Variants in PBX1 observed in about 807,000 individuals in gnomAD.
The protein encoded by PBX1 is pre-B-cell leukemia transcription factor 1.
PBX1 carries 6 observed loss-of-function variants against 53.4 expected under a neutral mutation model. That is an observed-to-expected ratio of 0.11 (90% CI 0.06 to 0.22). PBX1 has a LOEUF of 0.22. Ranked by LOEUF, PBX1 falls within the 10% of genes least tolerant of loss-of-function variation. The probability of loss-of-function intolerance (pLI) is 1.00; values close to 1 mark genes in which losing one functional copy is unlikely to be tolerated. For missense variants in PBX1, 251 were observed against 551.4 expected (o/e 0.46, Z 5.46); for synonymous variants, 204 against 212.3 (o/e 0.96, Z 0.34).
At chr1:164,717,791 G>A (rs1021986752) in intron 2 of PBX1, among the ~76,000 whole-genome samples, 1 of 152,146 alleles carries the variant, frequency 6.6e-6, no homozygotes, top group Non-Finnish European at 1.5e-5. Context: ...GGAAGATGGT[G>A]GTTTCAGAGC....
At chr1:164,570,885 T>C (rs1653798521) in intron 2 of PBX1, among the ~76,000 whole-genome samples, 1 of 152,246 alleles carries the variant, frequency 6.6e-6, no homozygotes, top group Non-Finnish European at 1.5e-5. Flanking sequence ...CCTGACTTTT[T>C]AAGGATCGCC....
chr1:164,636,867 T>G (rs1182429499), intron 2 of PBX1, among the ~76,000 whole-genome samples: 1 of 152,092 alleles, frequency 6.6e-6, no homozygotes, highest in African/African-American at 2.4e-5. Context: ...ATGTGTGGTT[T>G]GTGTGTGTTT....
intron 2 of PBX1, among the ~76,000 whole-genome samples, chr1:164,864,291 G>A (rs1672166466): frequency 6.6e-6 from 1 of 152,058 alleles, no homozygotes; most frequent in Admixed American, 6.6e-5. Context: ...TCAGCCTCCA[G>A]TGCCATTCAG....
At chr1:164,592,620 A>G (rs1655469778) in intron 2 of PBX1, among the ~76,000 whole-genome samples, 5 of 152,164 alleles carry the variant, frequency 3.3e-5, no homozygotes, top group Admixed American at 3.3e-4. Context: ...GGGGAGTGAA[A>G]GGGAATGGCC....
chr1:164,829,952 T>TAA (rs972401942), intron 8 of PBX1: 1 of 150,778 alleles, frequency 6.6e-6, no homozygotes, highest in Non-Finnish European at 1.5e-5. Flanking sequence ...ATCTTGAAAC[T>TAA]AAAAAAAAAG....
intron 2 of PBX1, among the ~76,000 whole-genome samples, chr1:164,717,737 G>A (rs578110860): frequency 2.0e-5 from 3 of 152,268 alleles, no homozygotes; most frequent in East Asian, 3.9e-4. Context: ...GGCTGAAGGC[G>A]TCAGAGGTAG....
chr1:164,785,919 C>T (rs1342998390), intron 2 of PBX1, among the ~76,000 whole-genome samples: 2 of 152,212 alleles, frequency 1.3e-5, no homozygotes, highest in African/African-American at 2.4e-5. Context: ...TCATACCAGG[C>T]TGGGTCCAGG....
Position 164,848,450 on chromosome 1 carries a change from T to A in PBX1, c.*1774T>A, listed in dbSNP as rs950800311. ...TCATATCCAATCTGTAAATGCGAAGTCAGGGGAAGTAATGTCCCTGAAATA... is the reference window on the plus strand; with the variant it reads ...TCATATCCAATCTGTAAATGCGAAGACAGGGGAAGTAATGTCCCTGAAATA... On this transcript the variant is annotated 3_prime_UTR_variant, in exon 9 of 9. Coordinates refer to ENST00000420696, the MANE Select transcript of PBX1 (RefSeq NM_002585.4). 2.3e-5 allele frequency: 24 copies of A among 1,056,722 alleles called. No individual in the cohort carries two copies. The highest frequency in any genetic ancestry group is 2.6e-5 in the Non-Finnish European group (23 of 874,002). 65.5% of individuals were successfully genotyped at this position (1,056,722 alleles called of 1,614,324 possible).
intron 2 of PBX1, among the ~76,000 whole-genome samples, chr1:164,731,880 C>T (rs1197582791): frequency 2.0e-5 from 3 of 152,158 alleles, no homozygotes; most frequent in African/African-American, 7.2e-5. Flanking sequence ...TGGGCCCCTG[C>T]TGCCACGAAG....
At chr1:164,635,328 AG>A (rs1003117240) in intron 2 of PBX1, among the ~76,000 whole-genome samples, 3 of 146,766 alleles carry the variant, frequency 2.0e-5, no homozygotes, top group Non-Finnish European at 4.5e-5. Flanking sequence ...GTGGGGGGCG[AG>A]GGGGGAGGGA....
intron 2 of PBX1, among the ~76,000 whole-genome samples, chr1:164,741,190 A>G (rs975327740): frequency 2.0e-5 from 3 of 152,236 alleles, no homozygotes; most frequent in Non-Finnish European, 4.4e-5. Flanking sequence ...GATATAACTC[A>G]AGGATATAAC....
At chr1:164,567,671 G>T (rs1015645138) in intron 2 of PBX1, among the ~76,000 whole-genome samples, 5 of 152,120 alleles carry the variant, frequency 3.3e-5, no homozygotes, top group East Asian at 1.9e-4. Flanking sequence ...AATGAGAAAT[G>T]ACTTTTCTTT....
At chr1:164,758,485 C>A (rs1375783924) in intron 2 of PBX1, among the ~76,000 whole-genome samples, 3 of 152,032 alleles carry the variant, frequency 2.0e-5, no homozygotes, top group Non-Finnish European at 4.4e-5. Context: ...AGAGATGATG[C>A]GAGCATCCCT....
intron 8 of PBX1, among the ~76,000 whole-genome samples, chr1:164,844,519 G>A (rs1470753344): frequency 6.6e-6 from 1 of 152,112 alleles, no homozygotes; most frequent in Non-Finnish European, 1.5e-5. Context: ...TGTCATCAAA[G>A]CTGAATAATT....
At chr1:164,814,226 A>G (rs1288364629) in intron 6 of PBX1, 1 of 152,256 alleles carries the variant, frequency 6.6e-6, no homozygotes, top group African/African-American at 2.4e-5. Context: ...AACTTTTCAC[A>G]TAAGGTGTTT....
intron 2 of PBX1, among the ~76,000 whole-genome samples, chr1:164,627,955 A>T (rs573208047): frequency 6.6e-6 from 1 of 152,320 alleles, no homozygotes; most frequent in South Asian, 2.1e-4. Flanking sequence ...ATTATAGTGA[A>T]TAGAGCAAGA....
chr1:164,831,067 C>T (rs1262476100), intron 8 of PBX1, among the ~76,000 whole-genome samples: 1 of 152,138 alleles, frequency 6.6e-6, no homozygotes, highest in Non-Finnish European at 1.5e-5. Context: ...AATTTTCAAA[C>T]ATATGGAAAA....
At chr1:164,845,629 T>G (rs959045191) in intron 8 of PBX1, among the ~76,000 whole-genome samples, 2 of 152,156 alleles carry the variant, frequency 1.3e-5, no homozygotes, top group Admixed American at 6.5e-5. Context: ...CTTCAACTAT[T>G]TTAGTGCTGG....
chr1:164,768,100 A>G (rs543556657), intron 2 of PBX1, among the ~76,000 whole-genome samples: 1 of 152,252 alleles, frequency 6.6e-6, no homozygotes, highest in Non-Finnish European at 1.5e-5. Flanking sequence ...CTTTCGAATC[A>G]TATTATCTGA....
Sources: gnomAD v4.1 joint callset for allele counts (sites outside exome capture counted in the v4.1 genomes callset) on GRCh38, gnomAD v4.1.1 for gene constraint, MANE v1.5 for transcripts, NCBI Gene and HGNC (gene_info 2026-07-23, HGNC 2026-07-21) for gene names.